RC3H1: variants seen among roughly 807,000 people sequenced by gnomAD.
The protein encoded by RC3H1 is ring finger and CCCH-type domains 1, also known as roquin-1.
RC3H1 carries 50 observed loss-of-function variants against 138.2 expected under a neutral mutation model. The observed-to-expected ratio is 0.36, with a 90% confidence interval of 0.29 to 0.46. The LOEUF (loss-of-function observed/expected upper bound fraction) is 0.46. Ranked by LOEUF, RC3H1 falls within the 20% of genes least tolerant of loss-of-function variation. The pLI is 1.00. For missense variants in RC3H1, 1,031 were observed against 1,388.1 expected, an observed-to-expected ratio of 0.74 and a Z score of 4.09; for synonymous variants, 462 against 489.1, an observed-to-expected ratio of 0.94 and a Z score of 0.73.
intron 2 of RC3H1, among the ~76,000 whole-genome samples, chr1:173,984,916 A>G (rs1269723897): frequency 6.6e-6 from 1 of 152,188 alleles, no homozygotes; most frequent in African/African-American, 2.4e-5. Context: ...AATCAACTTT[A>G]GAACCTTTTC....
rs1658626334 is a variant in RC3H1 at position 173,936,851 on chromosome 1, C to T, written c.*1870G>A. ...CACCTTCATTCAGTGCTTCTACCACCTCCCAATCGGTCAATTTATCGCAAC... is the reference window on the plus strand; with the variant it reads ...CACCTTCATTCAGTGCTTCTACCACTTCCCAATCGGTCAATTTATCGCAAC... On this transcript the variant is annotated 3_prime_UTR_variant, in exon 20 of 20. Coordinates refer to ENST00000367696, the MANE Select transcript of RC3H1 (RefSeq NM_172071.4). 8 of 143,074 alleles carry T rather than the reference C, an allele frequency of 5.6e-5. No homozygotes were observed. In the Admixed American group the frequency reaches 5.6e-4, roughly 10 times the overall value. 8.9% of individuals were successfully genotyped at this position (143,074 alleles called of 1,614,324 possible). A position where few individuals can be genotyped will look rare whatever the true frequency, so the allele number is the denominator to read the frequency against.
chr1:174,003,376 A>T (rs1661593886), intron 1 of RC3H1, among the ~76,000 whole-genome samples: 1 of 136,390 alleles, frequency 7.3e-6, no homozygotes. Flanking sequence ...AACAAGAGCA[A>T]GACTCCTATC....
intron 1 of RC3H1, among the ~76,000 whole-genome samples, chr1:174,010,447 C>T (rs1661730163): frequency 1.3e-5 from 2 of 152,140 alleles, no homozygotes; most frequent in Admixed American, 1.3e-4. Context: ...CAAGGTCTCA[C>T]TCTGTCACCC....
chr1:173,978,608 C>T lies in RC3H1; in HGVS notation c.982G>A (p.Ala328Thr). The T allele has an allele frequency of 1.2e-6, 2 of 1,611,042 alleles. No individual in the cohort carries two copies. Among genetic ancestry groups the T allele is most frequent in the Non-Finnish European group, 1.7e-6 (2 of 1,178,806 alleles). The change falls in exon 7 of 20, where the codon GCC (alanine) becomes ACC (threonine). Residue 328 changes from alanine (A) to threonine (T), a missense_variant. Around this residue, in one of 7 missense-constraint regions of RC3H1, gnomAD observed 142 missense variants for 224.6 expected, o/e 0.63. Transcript: ENST00000367696. ...TCCTGAACACTCTGTGCAAAAGAGG[C>T]TGGAGTCTGCAACTTAAAAAAGATA... ...QSIIDKLQTP[A>T]SFAQSVQELT...
chr1:173,990,812 C>T (rs546033045), intron 2 of RC3H1, among the ~76,000 whole-genome samples: 4 of 151,986 alleles, frequency 2.6e-5, no homozygotes, highest in South Asian at 2.1e-4. Context: ...CTGTGTTAGC[C>T]GGGATGGTCT....
In RC3H1 at chr1:173,947,408, C is replaced by T. The variant is rs1160795981; in HGVS notation, c.2698G>A (p.Ala900Thr). The T allele has an allele frequency of 1.2e-6, 2 of 1,614,004 alleles. No homozygotes were observed. Among genetic ancestry groups the T allele is most frequent in the South Asian group, 2.2e-5 (2 of 91,082 alleles). Residue 900 changes from alanine (A) to threonine (T), a missense_variant, in exon 15 of 20, where the codon GCA (alanine) becomes ACA (threonine). Transcript: ENST00000367696. Reference sequence around the variant, plus strand: ...GATTTTGTAGGAGCTCCCTGAGGTGCCATAGCCTGCATTGGACCAGCACCC... The same window carrying T: ...GATTTTGTAGGAGCTCCCTGAGGTGTCATAGCCTGCATTGGACCAGCACCC... ...YQGAGPMQAM[A>T]PQGAPTKSIN...
At position 173,931,223 on chromosome 1, in the gene RC3H1, AATTT is replaced by A. The variant is rs777636461; in HGVS notation, c.*7494_*7497del. 12 of 152,368 alleles carry A rather than the reference AATTT, an allele frequency of 7.9e-5. No homozygotes were observed. Among genetic ancestry groups the A allele is most frequent in the Middle Eastern group, 6.8e-3 (2 of 294 alleles). 9.4% of individuals were successfully genotyped at this position (152,368 alleles called of 1,614,324 possible). ...TTACAAAATACACACGTTCCTCATT[AATTT>A]ATCATTTAATATAAATGCTGACAGA... On this transcript the variant is annotated 3_prime_UTR_variant, in exon 20 of 20. Transcript: ENST00000367696.
In RC3H1 at chr1:173,946,617, A is replaced by G; in HGVS notation, c.2829-9T>C. 6.2e-7 allele frequency: 1 copy of G among 1,612,674 alleles called. No homozygotes were observed. The highest frequency in any genetic ancestry group is 8.5e-7 in the Non-Finnish European group (1 of 1,179,514). ...ACATAGATATTCTCTCCCTTTGGTTAGAAAGAAAGTGTGAATCAAATTTTA... is the reference window on the plus strand; with the variant it reads ...ACATAGATATTCTCTCCCTTTGGTTGGAAAGAAAGTGTGAATCAAATTTTA... On this transcript the variant is annotated splice_polypyrimidine_tract_variant and intron_variant, in intron 16 of 19. Transcript: ENST00000367696.
rs1357902920 is a variant in RC3H1 at position 173,936,935 on chromosome 1, A to G, written c.*1786T>C. 1 of 147,292 alleles carries G rather than the reference A, an allele frequency of 6.8e-6. No individual in the cohort carries two copies. Among genetic ancestry groups the G allele is most frequent in the Non-Finnish European group, 1.5e-5 (1 of 66,824 alleles). 9.1% of individuals were successfully genotyped at this position (147,292 alleles called of 1,614,324 possible). A position where few individuals can be genotyped will look rare whatever the true frequency, so the allele number is the denominator to read the frequency against. The stretch of plus-strand genomic sequence containing the variant: ...ACCCAATATATATACAGATATAGCT[A>G]TGTATATATGTATATATATAATATA... On this transcript the variant is annotated 3_prime_UTR_variant, in exon 20 of 20. Coordinates refer to ENST00000367696, the MANE Select transcript of RC3H1 (RefSeq NM_172071.4).
At chr1:174,004,052 ATAT>A (rs1018065598) in intron 1 of RC3H1, among the ~76,000 whole-genome samples, 11 of 147,432 alleles carry the variant, frequency 7.5e-5, no homozygotes, top group East Asian at 2.0e-4. Context: ...TATATATGAT[ATAT>A]TATTATATAT....
rs1658585181 is a variant in RC3H1, at chr1:173,936,474, AC to A, written c.*2246del. 2 of 130,262 alleles carry A rather than the reference AC, an allele frequency of 1.5e-5. No homozygotes were observed. The highest frequency in any genetic ancestry group is 6.0e-5 in the African/African-American group (2 of 33,386). 8.1% of individuals were successfully genotyped at this position (130,262 alleles called of 1,614,324 possible). ...GGTTGTAGCGAGCCGAGATCAACCC[AC>A]TGCACTCCAGCCTGGGCAACAGAAG... On this transcript the variant is annotated 3_prime_UTR_variant, in exon 20 of 20. Coordinates refer to ENST00000367696, the MANE Select transcript of RC3H1 (RefSeq NM_172071.4).
Position 173,931,276 on chromosome 1 carries a change from A to G in RC3H1, c.*7445T>C, listed in dbSNP as rs2102805612. ...GAAAGCAGATAAAGACCTTGTAGAC[A>G]TTTTCATATATTTACAATCCAAAAG... On this transcript the variant is annotated 3_prime_UTR_variant, in exon 20 of 20. Coordinates refer to ENST00000367696, the MANE Select transcript of RC3H1 (RefSeq NM_172071.4). 6.6e-6 allele frequency: 1 copy of G among 152,306 alleles called. No individual in the cohort carries two copies. Among genetic ancestry groups the G allele is most frequent in the East Asian group, 1.9e-4 (1 of 5,182 alleles). The allele number at this position is 152,306 out of a possible 1,614,324, so 9.4% of individuals were successfully genotyped here.
chr1:173,961,574 AAT>A (rs1659876337), intron 12 of RC3H1, 149 bp downstream of exon 12: 1 of 820,394 alleles, frequency 1.2e-6, no homozygotes, highest in South Asian at 2.7e-5. Flanking sequence ...AAAAAAAAAA[AAT>A]ACCCAAATTA....
chr1:174,015,116 C>T (rs1661835672), intron 1 of RC3H1, among the ~76,000 whole-genome samples: 1 of 152,142 alleles, frequency 6.6e-6, no homozygotes, highest in African/African-American at 2.4e-5. Context: ...ATCTAATTTG[C>T]ACCTTTTAAT....
chr1:174,018,521 G>GT (rs1661903309), intron 1 of RC3H1, among the ~76,000 whole-genome samples: 2 of 152,240 alleles, frequency 1.3e-5, no homozygotes, highest in South Asian at 4.2e-4. Context: ...AAACTCTGTA[G>GT]TAAGAAAACC....
intron 11 of RC3H1, among the ~76,000 whole-genome samples, chr1:173,962,458 G>A (rs1309737934): frequency 6.6e-6 from 1 of 152,178 alleles, no homozygotes; most frequent in East Asian, 1.9e-4. Flanking sequence ...TTTTGAATTT[G>A]AAACTGAAAT....
Position 173,938,891 on chromosome 1 carries a change from T to C in RC3H1, c.3252-20A>G. On this transcript the variant is annotated intron_variant, in intron 19 of 19. Coordinates refer to ENST00000367696, the MANE Select transcript of RC3H1 (RefSeq NM_172071.4). ...ACATCACTGCTGACATTTTAAAATT[T>C]TGAAAAAGGAGAGAGAGAAAAATGA... The C allele has an allele frequency of 6.4e-7, 1 of 1,556,184 alleles. No individual in the cohort carries two copies. Among genetic ancestry groups the C allele is most frequent in the Non-Finnish European group, 8.7e-7 (1 of 1,149,850 alleles).
chr1:173,980,830 A>G lies in RC3H1; in HGVS notation c.948T>C (p.His316=), dbSNP rs757864543. The G allele has an allele frequency of 6.2e-7, 1 of 1,614,126 alleles. No homozygotes were observed. Among genetic ancestry groups the G allele is most frequent in the South Asian group, 1.1e-5 (1 of 91,082 alleles). The stretch of plus-strand genomic sequence containing the variant: ...CTACCTTGTCAATAATGGACTGCAT[A>G]TGAGATTTGTGAGACTGGTCTCCAT... ...LLYGDQSHKS[H]MQSIIDKLQT... is the part of the protein sequence containing the mutation. Residue 316 remains histidine (H), a synonymous_variant, in exon 6 of 20, where the codon CAT becomes CAC. Coordinates refer to ENST00000367696, the MANE Select transcript of RC3H1 (RefSeq NM_172071.4).
intron 1 of RC3H1, among the ~76,000 whole-genome samples, chr1:174,008,945 C>A (rs908089518): frequency 4.0e-5 from 6 of 148,902 alleles, no homozygotes; most frequent in South Asian, 2.1e-4. Flanking sequence ...CCACTGCACT[C>A]CAGCCTAGGC....
Sources: allele counts gnomAD v4.1 joint callset (sites outside exome capture counted in the v4.1 genomes callset), GRCh38; gene constraint gnomAD v4.1.1; regional missense constraint gnomAD v4.1.1; transcripts MANE v1.5; gene names NCBI Gene and HGNC (gene_info 2026-07-23, HGNC 2026-07-21).